The following EVA1A variants were observed in gnomAD, a reference collection of about 807,000 sequenced individuals.
EVA1A encodes the protein eva-1 homolog A, regulator of programmed cell death.
Under a neutral mutation model 9.8 loss-of-function variants are expected in EVA1A, and 7 were observed. The ratio of observed to expected loss-of-function variants is 0.71; its 90% CI spans 0.41 to 1.34. The LOEUF (loss-of-function observed/expected upper bound fraction) is 1.34, where lower values mean the gene tolerates loss of function less well. Among genes scored for constraint, EVA1A ranks in the 40% most tolerant of loss-of-function variants. The probability of loss-of-function intolerance (pLI) is 0.01; values close to 1 mark genes in which losing one functional copy is unlikely to be tolerated. For synonymous variants in EVA1A, 90 were observed against 85.6 expected (o/e 1.05, Z -0.28); for missense variants, 206 against 205.9 (o/e 1.00, Z 0.00).
intron 3 of EVA1A, among the ~76,000 whole-genome samples, chr2:75,501,799 G>A (rs1233211304): frequency 5.9e-5 from 9 of 152,308 alleles, no homozygotes; most frequent in Non-Finnish European, 8.8e-5. Context: ...GCGAGCTCCC[G>A]TGATTGGCAC....
intron 1 of EVA1A, among the ~76,000 whole-genome samples, chr2:75,527,858 A>G (rs4490220): frequency 0.45 from 68,683 of 152,096 alleles, 17,346 homozygotes; most frequent in African/African-American, 0.69. Context: ...AAGAATTCAC[A>G]AACCCTTTGA....
At chr2:75,564,198 G>C (rs1676981063), upstream of EVA1A, among the ~76,000 whole-genome samples, 2 of 152,160 alleles carry the variant, frequency 1.3e-5, no homozygotes, top group East Asian at 3.9e-4. Context: ...AGGTGGTCAG[G>C]GAACACAGGA....
At chr2:75,527,847 A>G (rs1202136811) in intron 1 of EVA1A, among the ~76,000 whole-genome samples, 2 of 152,230 alleles carry the variant, frequency 1.3e-5, no homozygotes, top group Admixed American at 1.3e-4. Flanking sequence ...AGGGCAACTG[A>G]AAGAATTCAC....
chr2:75,554,722 AACAC>A (rs1676642033), intron 1 of EVA1A, among the ~76,000 whole-genome samples: 1 of 129,286 alleles, frequency 7.7e-6, no homozygotes, highest in African/African-American at 2.5e-5. Flanking sequence ...TAAAGCCCCT[AACAC>A]AGTGCCTGGC....
At chr2:75,495,852 A>C (rs916387003) in intron 3 of EVA1A, among the ~76,000 whole-genome samples, 1 of 152,232 alleles carries the variant, frequency 6.6e-6, no homozygotes, top group African/African-American at 2.4e-5. Flanking sequence ...AATCTTTAAA[A>C]TAGCCCACTT....
chr2:75,523,720 A>C (rs1024972789), intron 1 of EVA1A, among the ~76,000 whole-genome samples: 2 of 152,188 alleles, frequency 1.3e-5, no homozygotes, highest in Non-Finnish European at 2.9e-5. Context: ...GAACTCCGTA[A>C]GGGCAGGGAC....
chr2:75,532,438 G>A (rs1675698477), intron 1 of EVA1A, among the ~76,000 whole-genome samples: 1 of 152,010 alleles, frequency 6.6e-6, no homozygotes, highest in African/African-American at 2.4e-5. Flanking sequence ...CGTTTATTAA[G>A]TACATTCCAC....
At chr2:75,531,064 AAAATCAATGTATAC>A (rs1389961383) in intron 1 of EVA1A, among the ~76,000 whole-genome samples, 2 of 152,220 alleles carry the variant, frequency 1.3e-5, no homozygotes, top group Non-Finnish European at 2.9e-5. Context: ...TTCAGGATAC[AAAATCAATGTATAC>A]AAATCAATAG....
intron 1 of EVA1A, among the ~76,000 whole-genome samples, chr2:75,535,339 T>C (rs1023864399): frequency 3.4e-5 from 5 of 145,004 alleles, no homozygotes; most frequent in African/African-American, 1.3e-4. Flanking sequence ...ACACTGCTGA[T>C]GGGAAGGTAA....
intron 1 of EVA1A, among the ~76,000 whole-genome samples, chr2:75,553,192 C>T (rs1239309286): frequency 6.6e-6 from 1 of 152,196 alleles, no homozygotes; most frequent in Non-Finnish European, 1.5e-5. Flanking sequence ...CTGGATGCTC[C>T]ATCTCAGCCT....
At chr2:75,529,601 A>G (rs1050853387) in intron 1 of EVA1A, among the ~76,000 whole-genome samples, 5 of 152,254 alleles carry the variant, frequency 3.3e-5, no homozygotes, top group Admixed American at 6.5e-5. Flanking sequence ...AGGAACCCTC[A>G]AAACCATGCA....
chr2:75,526,426 C>T (rs946242502), intron 1 of EVA1A, among the ~76,000 whole-genome samples: 1 of 152,052 alleles, frequency 6.6e-6, no homozygotes, highest in Non-Finnish European at 1.5e-5. Context: ...TTCTCTTCAA[C>T]CAGATAATTT....
intron 1 of EVA1A, chr2:75,526,014 A>G (rs1675425454): frequency 1.3e-5 from 2 of 152,234 alleles, no homozygotes; most frequent in African/African-American, 4.8e-5. Flanking sequence ...AAATCAATAA[A>G]TATTTATTAA....
chr2:75,524,935 T>A (rs1000385542), intron 1 of EVA1A, among the ~76,000 whole-genome samples: 3 of 152,134 alleles, frequency 2.0e-5, no homozygotes, highest in African/African-American at 7.2e-5. Context: ...GGTAGGTAGA[T>A]AAATAGATAA....
chr2:75,548,983 A>AAAAAAAAAAATAT (rs377340236), intron 1 of EVA1A, among the ~76,000 whole-genome samples: 1 of 133,704 alleles, frequency 7.5e-6, no homozygotes, highest in Non-Finnish European at 1.6e-5. Flanking sequence ...CTAAATGAAA[A>AAAAAAAAAAATAT]ATATATATAT....
At chr2:75,501,144 T>C (rs752671419) in intron 3 of EVA1A, among the ~76,000 whole-genome samples, 24 of 152,128 alleles carry the variant, frequency 1.6e-4, no homozygotes, top group African/African-American at 5.8e-4. Flanking sequence ...AAAGACTTCA[T>C]TGTCCACTCT....
At chr2:75,551,897 T>C (rs1407480841) in intron 1 of EVA1A, among the ~76,000 whole-genome samples, 2 of 152,202 alleles carry the variant, frequency 1.3e-5, no homozygotes, top group African/African-American at 2.4e-5. Context: ...AGTTTGTTTG[T>C]GGGCCGGGCA....
In EVA1A at chr2:75,538,502, T is replaced by C. The variant is rs188854072; in HGVS notation, c.-191-16015A>G. 2.8e-4 allele frequency among the ~76,000 whole-genome samples: 43 copies of C among 152,330 alleles called. No homozygotes were observed. In the East Asian group the frequency reaches 8.1e-3, roughly 29 times the overall value. On this transcript the variant is annotated intron_variant, in intron 1 of 3. Coordinates refer to ENST00000393913, the MANE Select transcript of EVA1A (RefSeq NM_001135032.2). Reference sequence around the variant, plus strand: ...GGTCAATGACAGCATGTTGTATAAATGAGAGCACAATATGCAACTTTTTGG... The same window carrying C: ...GGTCAATGACAGCATGTTGTATAAACGAGAGCACAATATGCAACTTTTTGG...
intron 1 of EVA1A, among the ~76,000 whole-genome samples, chr2:75,528,777 T>C (rs1224807872): frequency 1.3e-5 from 2 of 152,118 alleles, no homozygotes; most frequent in Non-Finnish European, 2.9e-5. Flanking sequence ...CAGGTGACCT[T>C]AGGGCAAGCT....
Sources: gnomAD v4.1 joint callset for allele counts (sites outside exome capture counted in the v4.1 genomes callset) on GRCh38, gnomAD v4.1.1 for gene constraint, MANE v1.5 for transcripts, NCBI Gene and HGNC (gene_info 2026-07-23, HGNC 2026-07-21) for gene names.